Variants in PCDH9 observed in about 807,000 individuals in gnomAD.
PCDH9 encodes the protein protocadherin 9.
In PCDH9, 24 loss-of-function variants were observed where a neutral mutation model predicts 70.6. The observed-to-expected ratio is 0.34, with a 90% CI of 0.25 to 0.48. The LOEUF is 0.48. Ranked by LOEUF, PCDH9 falls within the 20% of genes least tolerant of loss-of-function variation. The pLI, the probability that PCDH9 is intolerant of heterozygous loss-of-function variation, is 0.99. For synonymous variants in PCDH9, 562 were observed against 558.5 expected (o/e 1.01, Z -0.09); for missense variants, 1,281 against 1,503.6 (o/e 0.85, Z 2.45).
At chr13:66,958,172 G>C (rs187287431) in intron 2 of PCDH9, among the ~76,000 whole-genome samples, 8 of 152,230 alleles carry the variant, frequency 5.3e-5, no homozygotes, top group Admixed American at 4.6e-4. Context: ...TTGACGGAGC[G>C]TACAATATGG....
chr13:66,335,122 C>T (rs551957532), intron 4 of PCDH9, among the ~76,000 whole-genome samples: 2 of 152,212 alleles, frequency 1.3e-5, no homozygotes, highest in South Asian at 2.1e-4. Context: ...CAAAAGCATA[C>T]ACTACAGAAA....
intron 3 of PCDH9, among the ~76,000 whole-genome samples, chr13:66,843,976 A>T (rs537657225): frequency 5.9e-5 from 9 of 152,122 alleles, no homozygotes; most frequent in African/African-American, 1.7e-4. Flanking sequence ...AGTAGACCTG[A>T]CTCTAAAATG....
intron 2 of PCDH9, among the ~76,000 whole-genome samples, chr13:67,093,570 CA>C: frequency 6.6e-6 from 1 of 152,240 alleles, no homozygotes; most frequent in South Asian, 2.1e-4. Context: ...TAGATAAAAA[CA>C]GTGTGATTAT....
intron 2 of PCDH9, among the ~76,000 whole-genome samples, chr13:67,092,758 A>G (rs1337778244): frequency 2.0e-5 from 3 of 152,222 alleles, no homozygotes; most frequent in Admixed American, 6.5e-5. Flanking sequence ...CCTAGGAACC[A>G]GAGATTTTAC....
intron 4 of PCDH9, among the ~76,000 whole-genome samples, chr13:66,408,082 C>T (rs990427084): frequency 1.4e-5 from 2 of 140,384 alleles, no homozygotes; most frequent in African/African-American, 2.6e-5. Context: ...GACGGAGTCT[C>T]GCTCTGTCGC....
At chr13:66,375,489 T>C (rs751924021) in intron 4 of PCDH9, among the ~76,000 whole-genome samples, 10 of 152,130 alleles carry the variant, frequency 6.6e-5, no homozygotes, top group African/African-American at 1.4e-4. Context: ...AATACCTATA[T>C]ACTTTAATGC....
intron 4 of PCDH9, among the ~76,000 whole-genome samples, chr13:66,430,416 C>T (rs1394370744): frequency 5.9e-5 from 9 of 152,052 alleles, no homozygotes. Context: ...CTTCTATTTT[C>T]CTCACAGCTG....
chr13:66,838,380 A>G (rs1382131073), intron 3 of PCDH9, among the ~76,000 whole-genome samples: 2 of 152,098 alleles, frequency 1.3e-5, no homozygotes, highest in East Asian at 1.9e-4. Flanking sequence ...TTTTAAAAAA[A>G]AAATTCATTG....
chr13:67,136,612 T>C (rs2087239099), intron 2 of PCDH9, among the ~76,000 whole-genome samples: 1 of 152,184 alleles, frequency 6.6e-6, no homozygotes, highest in Admixed American at 6.6e-5. Flanking sequence ...CTAAACTCTA[T>C]ATAAATGGTG....
chr13:66,757,271 G>T (rs2079551733), intron 3 of PCDH9, among the ~76,000 whole-genome samples: 1 of 152,168 alleles, frequency 6.6e-6, no homozygotes, highest in African/African-American at 2.4e-5. Context: ...ATGACTTCAT[G>T]AATGACAGCC....
intron 4 of PCDH9, among the ~76,000 whole-genome samples, chr13:66,308,833 T>C (rs1478924532): frequency 6.6e-6 from 1 of 151,788 alleles, no homozygotes; most frequent in East Asian, 1.9e-4. Flanking sequence ...ATTTAGCTGC[T>C]CAAGAAGGGG....
At chr13:67,183,052 T>C (rs1244096624) in intron 2 of PCDH9, among the ~76,000 whole-genome samples, 2 of 152,210 alleles carry the variant, frequency 1.3e-5, no homozygotes, top group Non-Finnish European at 2.9e-5. Flanking sequence ...AGGATTTCTA[T>C]GACTGTTACT....
At chr13:66,524,628 C>T (rs558633068) in intron 4 of PCDH9, among the ~76,000 whole-genome samples, 59 of 152,024 alleles carry the variant, frequency 3.9e-4, no homozygotes, top group African/African-American at 1.4e-3. Flanking sequence ...ATAGAGCTAT[C>T]GGAAGAGAAT....
chr13:67,124,123 A>G (rs1251296804), intron 2 of PCDH9, among the ~76,000 whole-genome samples: 3 of 152,124 alleles, frequency 2.0e-5, no homozygotes, highest in Non-Finnish European at 4.4e-5. Flanking sequence ...GGTTTCAAAA[A>G]AGTAAAATGC....
intron 4 of PCDH9, among the ~76,000 whole-genome samples, chr13:66,626,313 C>T (rs994259257): frequency 2.0e-5 from 3 of 152,132 alleles, no homozygotes; most frequent in Admixed American, 1.3e-4. Flanking sequence ...TAGATTACAT[C>T]GTAGAGTCCA....
At chr13:67,040,561 G>C (rs950937973) in intron 2 of PCDH9, among the ~76,000 whole-genome samples, 11 of 152,172 alleles carry the variant, frequency 7.2e-5, no homozygotes, top group African/African-American at 2.4e-4. Flanking sequence ...AACCCAACCA[G>C]GCTGACACCA....
At chr13:66,753,977 T>C (rs886291530) in intron 3 of PCDH9, among the ~76,000 whole-genome samples, 4 of 152,252 alleles carry the variant, frequency 2.6e-5, no homozygotes, top group Admixed American at 2.6e-4. Flanking sequence ...TGAAATTAAC[T>C]TAATCATTCA....
chr13:66,737,077 G>A (rs2079161146), intron 3 of PCDH9, among the ~76,000 whole-genome samples: 1 of 152,004 alleles, frequency 6.6e-6, no homozygotes, highest in Non-Finnish European at 1.5e-5. Context: ...AAAATAATGT[G>A]GAGTTAATAA....
intron 4 of PCDH9, among the ~76,000 whole-genome samples, chr13:66,536,270 A>G (rs886853422): frequency 1.3e-5 from 2 of 152,082 alleles, no homozygotes; most frequent in Non-Finnish European, 2.9e-5. Context: ...AAGCTCAAAC[A>G]TAGATCTTCT....
Sources: gnomAD v4.1 joint callset for allele counts (sites outside exome capture counted in the v4.1 genomes callset) on GRCh38, gnomAD v4.1.1 for gene constraint, MANE v1.5 for transcripts, NCBI Gene and HGNC (gene_info 2026-07-23, HGNC 2026-07-21) for gene names.